SMIM14: variants seen among roughly 807,000 people sequenced by gnomAD.
SMIM14 encodes small integral membrane protein 14.
Under a neutral mutation model 12.6 loss-of-function variants are expected in SMIM14, and 5 were observed. The ratio of observed to expected loss-of-function variants is 0.40; its 90% CI spans 0.21 to 0.83. The LOEUF (loss-of-function observed/expected upper bound fraction) is 0.83, where lower values mean the gene tolerates loss of function less well. Among genes scored for constraint, SMIM14 ranks in the 40% least tolerant of loss-of-function variants. The pLI, the probability that SMIM14 is intolerant of heterozygous loss-of-function variation, is 0.37. For missense variants in SMIM14, 86 were observed against 119.1 expected (o/e 0.72, Z 1.29); for synonymous variants, 30 against 40.1 (o/e 0.75, Z 0.95).
At chr4:39,566,047 A>G (rs377350833) in intron 3 of SMIM14, among the ~76,000 whole-genome samples, 25 of 151,678 alleles carry the variant, frequency 1.6e-4, no homozygotes, top group African/African-American at 6.1e-4. Context: ...TGTCTTGGGT[A>G]TGTCTTAAAT....
At chr4:39,606,220 C>A (rs905521910) in intron 1 of SMIM14, among the ~76,000 whole-genome samples, 2 of 151,900 alleles carry the variant, frequency 1.3e-5, no homozygotes, top group African/African-American at 4.8e-5. Context: ...GTGGCACAAA[C>A]CTGTGGTCCC....
At chr4:39,632,567 G>C (rs1168910541) in intron 1 of SMIM14, among the ~76,000 whole-genome samples, 1 of 151,908 alleles carries the variant, frequency 6.6e-6, no homozygotes, top group African/African-American at 2.4e-5. Flanking sequence ...GCGAAGCCAG[G>C]TGGACTGCAT....
At chr4:39,582,434 G>A (rs554402498) in intron 2 of SMIM14, among the ~76,000 whole-genome samples, 97 of 151,184 alleles carry the variant, frequency 6.4e-4, no homozygotes, top group Non-Finnish European at 2.2e-4. Flanking sequence ...GGAAGCCGAG[G>A]CAGGTGGATC....
At chr4:39,638,351 C>T (rs1011045365) in intron 1 of SMIM14, 20 of 572,712 alleles carry the variant, frequency 3.5e-5, no homozygotes, top group Non-Finnish European at 4.4e-5. Context: ...AGACGGTAAA[C>T]AAGATAGTGT....
At chr4:39,581,447 C>A (rs961281558) in intron 2 of SMIM14, among the ~76,000 whole-genome samples, 38 of 151,944 alleles carry the variant, frequency 2.5e-4, no homozygotes, top group Admixed American at 6.6e-5. Context: ...AAGACACACA[C>A]ACAGATTTCC....
chr4:39,618,656 A>AC (rs1715313383), intron 1 of SMIM14, among the ~76,000 whole-genome samples: 1 of 150,868 alleles, frequency 6.6e-6, no homozygotes, highest in Non-Finnish European at 1.5e-5. Context: ...TCTCAAAAAA[A>AC]AAAAAAAACA....
intron 3 of SMIM14, among the ~76,000 whole-genome samples, chr4:39,570,320 C>G (rs1712821849): frequency 6.6e-6 from 1 of 152,036 alleles, no homozygotes; most frequent in Non-Finnish European, 1.5e-5. Flanking sequence ...GCCACCACGC[C>G]CAGCTAATTT....
At chr4:39,583,572 T>A (rs989962361) in intron 2 of SMIM14, among the ~76,000 whole-genome samples, 1 of 152,006 alleles carries the variant, frequency 6.6e-6, no homozygotes, top group Admixed American at 6.6e-5. Context: ...AACGCAAACA[T>A]GACCTTCTTT....
chr4:39,630,817 ATGC>A lies in SMIM14; in HGVS notation c.-36+7919_-36+7921del, dbSNP rs1715869852. ...GTGGAGGTTGCAGTGAGCCGAGACT[ATGC>A]TCTGTGCCACTGCACTCCAGCATGG... On this transcript the variant is annotated intron_variant, in intron 1 of 4. Coordinates refer to ENST00000295958, the MANE Select transcript of SMIM14 (RefSeq NM_174921.3). 4.7e-5 allele frequency among the ~76,000 whole-genome samples: 7 copies of A among 149,942 alleles called. No homozygotes were observed. The South Asian group carries it at 1.5e-3, about 32-fold the overall frequency.
At chr4:39,581,708 G>A (rs72624132) in intron 2 of SMIM14, among the ~76,000 whole-genome samples, 19,926 of 149,628 alleles carry the variant, frequency 0.13, 1,953 homozygotes, top group South Asian at 0.32. Context: ...AACCTCAGGC[G>A]CACAACCACC....
intron 1 of SMIM14, among the ~76,000 whole-genome samples, chr4:39,619,456 C>A (rs191956963): frequency 0.061 from 3,659 of 60,354 alleles, 268 homozygotes; most frequent in East Asian, 0.22. Context: ...ATAATTTATT[C>A]TATATCAATA....
At chr4:39,629,430 T>C (rs1715825274) in intron 1 of SMIM14, among the ~76,000 whole-genome samples, 2 of 142,734 alleles carry the variant, frequency 1.4e-5, no homozygotes, top group South Asian at 4.5e-4. Flanking sequence ...TAATAGTGCA[T>C]ACAAGTAACT....
At chr4:39,580,816 C>T (rs1290831083) in intron 2 of SMIM14, among the ~76,000 whole-genome samples, 10 of 152,028 alleles carry the variant, frequency 6.6e-5, no homozygotes, top group Non-Finnish European at 1.0e-4. Flanking sequence ...TGAGCTACCG[C>T]ACCCAGCCCC....
At chr4:39,575,672 C>T (rs992787199) in intron 2 of SMIM14, among the ~76,000 whole-genome samples, 1 of 151,848 alleles carries the variant, frequency 6.6e-6, no homozygotes. Flanking sequence ...GCAATCTCTG[C>T]CTCCTGGACT....
chr4:39,572,103 C>CT (rs920329201), intron 3 of SMIM14, among the ~76,000 whole-genome samples: 9 of 150,576 alleles, frequency 6.0e-5, no homozygotes, highest in Admixed American at 1.3e-4. Flanking sequence ...TGCACCCAGC[C>CT]TTTTTTTTTC....
chr4:39,602,157 G>A lies in SMIM14; in HGVS notation c.75+2914C>T, dbSNP rs535367082. ...CCAGCTACTCAGGAGACTGAGGCAG[G>A]AGGATTGCTTGAGCCTGGGAGACAG... On this transcript the variant is annotated intron_variant, in intron 2 of 4. Transcript: ENST00000295958. Among the ~76,000 whole-genome samples, 5 of 151,786 alleles carry A rather than the reference G, an allele frequency of 3.3e-5. No homozygotes were observed. The South Asian group carries it at 1.0e-3, about 32-fold the overall frequency.
In SMIM14 at chr4:39,621,583, A is replaced by G. The variant is rs1715490185; in HGVS notation, c.-35-16403T>C. Among the ~76,000 whole-genome samples the G allele has an allele frequency of 2.6e-5, 4 of 152,240 alleles. No individual in the cohort carries two copies. The South Asian group carries it at 6.2e-4, about 24-fold the overall frequency. The stretch of plus-strand genomic sequence containing the variant: ...AGGTTTATATACAAAGATGGTTATC[A>G]TGGCTTTAAAGTAGTGAAAAATGGG... On this transcript the variant is annotated intron_variant, in intron 1 of 4. Transcript: ENST00000295958.
chr4:39,608,162 A>G (rs1420355498), intron 1 of SMIM14, among the ~76,000 whole-genome samples: 1 of 152,230 alleles, frequency 6.6e-6, no homozygotes, highest in Non-Finnish European at 1.5e-5. Flanking sequence ...ATAGGTATAT[A>G]CCTAAGAGAT....
At chr4:39,619,817 T>C (rs1235387325) in intron 1 of SMIM14, among the ~76,000 whole-genome samples, 1 of 139,836 alleles carries the variant, frequency 7.2e-6, no homozygotes, top group African/African-American at 2.6e-5. Flanking sequence ...TTCTCAAAAA[T>C]ATTTATATGT....
Sources: allele counts gnomAD v4.1 joint callset (sites outside exome capture counted in the v4.1 genomes callset), GRCh38; gene constraint gnomAD v4.1.1; transcripts MANE v1.5; gene names NCBI Gene and HGNC (gene_info 2026-07-23, HGNC 2026-07-21).